Variants in KLF12 observed in about 807,000 individuals in gnomAD.
KLF12 encodes the protein KLF transcription factor 12.
KLF12 carries 9 observed loss-of-function variants against 37.8 expected under a neutral mutation model. The ratio of observed to expected loss-of-function variants is 0.24; its 90% CI spans 0.14 to 0.42. The LOEUF is 0.42. KLF12 is among the 10% of genes least tolerant of loss of function. The probability of loss-of-function intolerance (pLI) is 1.00; values close to 1 mark genes in which losing one functional copy is unlikely to be tolerated. For missense variants in KLF12, 411 were observed against 516.0 expected (o/e 0.80, Z 1.97); for synonymous variants, 208 against 202.1 (o/e 1.03, Z -0.25).
intron 4 of KLF12, among the ~76,000 whole-genome samples, chr13:73,837,257 C>T (rs527926667): frequency 6.6e-6 from 1 of 152,274 alleles, no homozygotes; most frequent in Admixed American, 6.5e-5. Flanking sequence ...TCTGCTAGCT[C>T]TCTTAGAACA....
intron 4 of KLF12, among the ~76,000 whole-genome samples, chr13:73,844,112 T>C (rs1236580430): frequency 6.6e-6 from 1 of 152,120 alleles, no homozygotes; most frequent in Admixed American, 6.5e-5. Context: ...ATTAACTTTA[T>C]AATAAAATAA....
At chr13:73,943,545 T>C (rs1299733425) in intron 3 of KLF12, among the ~76,000 whole-genome samples, 1 of 152,218 alleles carries the variant, frequency 6.6e-6, no homozygotes, top group Non-Finnish European at 1.5e-5. Context: ...AAAGGGCAAG[T>C]ACAAATGTCA....
At chr13:73,703,715 A>C (rs1874720298) in intron 7 of KLF12, among the ~76,000 whole-genome samples, 1 of 152,226 alleles carries the variant, frequency 6.6e-6, no homozygotes, top group African/African-American at 2.4e-5. Context: ...TTCCTAAAGA[A>C]GTCGTTGCAA....
Position 74,026,178 on chromosome 13 carries a change from C to T in KLF12, c.-31-31125G>A, listed in dbSNP as rs1785766933. ...TGAAGAAAAAAAAAAAAAACCTTTACCTTGGAGGAAAACTGGGTTCAAAAA... is the reference window on the plus strand; with the variant it reads ...TGAAGAAAAAAAAAAAAAACCTTTATCTTGGAGGAAAACTGGGTTCAAAAA... On this transcript the variant is annotated intron_variant, in intron 1 of 7. Coordinates refer to ENST00000377669, the MANE Select transcript of KLF12 (RefSeq NM_007249.5). Among the ~76,000 whole-genome samples the T allele has an allele frequency of 3.3e-5, 5 of 150,814 alleles. No individual in the cohort carries two copies. In the South Asian group the frequency reaches 1.0e-3, roughly 32 times the overall value.
intron 5 of KLF12, among the ~76,000 whole-genome samples, chr13:73,795,917 T>C (rs1368094403): frequency 6.6e-6 from 1 of 152,234 alleles, no homozygotes; most frequent in Non-Finnish European, 1.5e-5. Context: ...AAAGATGATG[T>C]ACCTAGAATA....
chr13:73,816,152 G>C (rs1266215482), intron 4 of KLF12, among the ~76,000 whole-genome samples: 2 of 152,156 alleles, frequency 1.3e-5, no homozygotes. Flanking sequence ...TAGCTTATCT[G>C]CATACTTGCA....
At chr13:74,160,969 T>C in the KLF12 span, among the ~76,000 whole-genome samples, 8 of 152,000 alleles carry the variant, frequency 5.3e-5, no homozygotes, top group Non-Finnish European at 8.8e-5. Context: ...GTGGGAACAC[T>C]GGAGACCTCA....
rs140349418 is a variant in KLF12, at chr13:73,867,427, T to C, written c.124-21054A>G. ...ATACGTGTGTGTGTATATATATATA[T>C]ATACACACATACATATGACATATAT... On this transcript the variant is annotated intron_variant, in intron 3 of 7. Transcript: ENST00000377669. Among the ~76,000 whole-genome samples the C allele has an allele frequency of 2.7e-3, 406 of 151,942 alleles. 3 individuals carry two copies. The highest frequency in any genetic ancestry group is 4.3e-3 in the Non-Finnish European group (295 of 67,948).
upstream of KLF12, among the ~76,000 whole-genome samples, chr13:74,134,421 T>G (rs1878450877): frequency 6.6e-6 from 1 of 151,804 alleles, no homozygotes; most frequent in African/African-American, 2.4e-5. Flanking sequence ...TGAAATCCCC[T>G]GTGGGAAACT....
chr13:74,019,252 T>A (rs1892779489), intron 1 of KLF12, among the ~76,000 whole-genome samples: 1 of 152,182 alleles, frequency 6.6e-6, no homozygotes, highest in South Asian at 2.1e-4. Context: ...AAGTTCAAGT[T>A]TTTAAGTGGT....
chr13:74,010,857 T>C (rs879469168), intron 1 of KLF12, among the ~76,000 whole-genome samples: 17 of 152,208 alleles, frequency 1.1e-4, no homozygotes, highest in Admixed American at 4.6e-4. Context: ...AGAGAGGCAA[T>C]AGAAGACTGG....
chr13:73,924,027 C>A (rs1225879678), intron 3 of KLF12, among the ~76,000 whole-genome samples: 1 of 152,158 alleles, frequency 6.6e-6, no homozygotes, highest in East Asian at 1.9e-4. Context: ...GATCACAATA[C>A]TTTTATTCCA....
chr13:73,763,711 G>A (rs1879715818), intron 6 of KLF12, among the ~76,000 whole-genome samples: 1 of 152,138 alleles, frequency 6.6e-6, no homozygotes, highest in South Asian at 2.1e-4. Context: ...CTTGTGGCGT[G>A]TGATAAGTCA....
At chr13:74,224,385 A>T in the KLF12 span, among the ~76,000 whole-genome samples, 1 of 152,164 alleles carries the variant, frequency 6.6e-6, no homozygotes, top group South Asian at 2.1e-4. Context: ...TATCTATGAC[A>T]TCCAGGATCT....
At chr13:74,126,289 C>T (rs1237935258) in intron 1 of KLF12, among the ~76,000 whole-genome samples, 1 of 151,986 alleles carries the variant, frequency 6.6e-6, no homozygotes, top group Admixed American at 6.6e-5. Context: ...AGATTTTGTA[C>T]GTTTTCTCCT....
At chr13:73,869,357 A>T (rs1886350327) in intron 3 of KLF12, among the ~76,000 whole-genome samples, 2 of 152,170 alleles carry the variant, frequency 1.3e-5, no homozygotes, top group Admixed American at 1.3e-4. Context: ...TTCAATGTCC[A>T]CAAACTAAAA....
At chr13:73,805,630 GAGGGAGGGAGGGAGGGAGGGAGGAAGGA>G (rs1566380123) in intron 5 of KLF12, among the ~76,000 whole-genome samples, 11 of 36,102 alleles carry the variant, frequency 3.0e-4, no homozygotes, top group Admixed American at 1.2e-3. Flanking sequence ...GGGAGGGAGG[GAGGGAGGGAGGGAGGGAGGGAGGAAGGA>G]AGGAAGGAAG....
the KLF12 span, among the ~76,000 whole-genome samples, chr13:74,231,203 A>AT: frequency 2.9e-4 from 43 of 147,480 alleles, no homozygotes; most frequent in East Asian, 5.9e-4. Flanking sequence ...GGACCATGTC[A>AT]TTTTTTTTTT....
chr13:74,193,488 A>G, the KLF12 span, among the ~76,000 whole-genome samples: 51 of 152,200 alleles, frequency 3.4e-4, no homozygotes, highest in African/African-American at 1.1e-3. Context: ...GGTTTATTTG[A>G]CTCTACAGCC....
Sources: allele counts gnomAD v4.1 joint callset (sites outside exome capture counted in the v4.1 genomes callset), GRCh38; gene constraint gnomAD v4.1.1; transcripts MANE v1.5; gene names NCBI Gene and HGNC (gene_info 2026-07-23, HGNC 2026-07-21).